The following NSUN3 variants were observed in gnomAD, a reference collection of about 807,000 sequenced individuals.
NSUN3 encodes the protein tRNA (cytosine(34)-C(5))-methyltransferase, mitochondrial.
Under a neutral mutation model 36.8 loss-of-function variants are expected in NSUN3, and 24 were observed. The ratio of observed to expected loss-of-function variants is 0.65; its 90% CI spans 0.47 to 0.92. The LOEUF is 0.92. NSUN3 is among the 40% of genes least tolerant of loss of function. NSUN3 has a pLI of 0.00. For missense variants in NSUN3, 381 were observed against 392.8 expected (o/e 0.97, Z 0.25); for synonymous variants, 146 against 145.2 (o/e 1.01, Z -0.04).
chr3:94,100,207 A>G (rs2077359280), intron 5 of NSUN3, among the ~76,000 whole-genome samples: 2 of 152,288 alleles, frequency 1.3e-5, no homozygotes, highest in South Asian at 4.1e-4. Context: ...TGATTGTACT[A>G]TTTTCCAAAG....
chr3:94,100,013 A>G (rs2077358625), intron 5 of NSUN3, among the ~76,000 whole-genome samples: 1 of 152,184 alleles, frequency 6.6e-6, no homozygotes. Context: ...GAGTAAAAAC[A>G]TTAATGTGTA....
chr3:94,095,604 A>G (rs550007332), intron 5 of NSUN3, among the ~76,000 whole-genome samples: 1 of 152,308 alleles, frequency 6.6e-6, no homozygotes, highest in African/African-American at 2.4e-5. Flanking sequence ...AATTTTCCAG[A>G]AGGACCTGGC....
chr3:94,081,039 G>A (rs2077266813), intron 2 of NSUN3, among the ~76,000 whole-genome samples: 2 of 152,202 alleles, frequency 1.3e-5, no homozygotes, highest in Admixed American at 6.5e-5. Context: ...CCCTGGTGGG[G>A]TAGGCACCGA....
intron 3 of NSUN3, among the ~76,000 whole-genome samples, chr3:94,092,217 C>T (rs1252306076): frequency 1.3e-5 from 2 of 152,190 alleles, no homozygotes; most frequent in Non-Finnish European, 2.9e-5. Flanking sequence ...TGTTCTTCCT[C>T]CTTCCTCCAC....
At chr3:94,102,671 C>G (rs188760722) in intron 5 of NSUN3, among the ~76,000 whole-genome samples, 2 of 152,130 alleles carry the variant, frequency 1.3e-5, no homozygotes, top group East Asian at 3.9e-4. Context: ...GTACACACTT[C>G]TTTTTAACAA....
chr3:94,088,637 C>T (rs2077302299), intron 3 of NSUN3, among the ~76,000 whole-genome samples: 1 of 150,770 alleles, frequency 6.6e-6, no homozygotes, highest in Non-Finnish European at 1.5e-5. Context: ...CTGTAGCATC[C>T]TCCGTTAGTG....
intron 2 of NSUN3, among the ~76,000 whole-genome samples, chr3:94,070,593 T>C (rs1240159208): frequency 6.6e-6 from 1 of 152,218 alleles, no homozygotes; most frequent in East Asian, 1.9e-4. Context: ...TCCTCAACTT[T>C]CATGTATTCT....
At chr3:94,110,741 C>T (rs1447759460) in intron 5 of NSUN3, among the ~76,000 whole-genome samples, 112 of 151,596 alleles carry the variant, frequency 7.4e-4, no homozygotes, top group African/African-American at 2.7e-3. Flanking sequence ...TGTATACACA[C>T]ACACACACAC....
rs2077507826 is a variant in NSUN3 at position 94,131,329 on chromosome 3, A to G, written c.*4839A>G. On this transcript the variant is annotated 3_prime_UTR_variant, in exon 6 of 6. Coordinates refer to ENST00000314622, the MANE Select transcript of NSUN3 (RefSeq NM_022072.5). ...TAGTTAAAGGGTAGAGCCGCGATCA[A>G]AACTGGCTCCGAGGTCCAGGCCCTT... Among the ~76,000 whole-genome samples the G allele has an allele frequency of 6.6e-6, 1 of 152,214 alleles. No individual in the cohort carries two copies. The highest frequency in any genetic ancestry group is 2.1e-4 in the South Asian group (1 of 4,830).
At chr3:94,108,202 C>CT (rs1217670564) in intron 5 of NSUN3, among the ~76,000 whole-genome samples, 1 of 151,732 alleles carries the variant, frequency 6.6e-6, no homozygotes, top group Non-Finnish European at 1.5e-5. Context: ...ACCACGTTTA[C>CT]TTTTTTTTAT....
intron 5 of NSUN3, among the ~76,000 whole-genome samples, chr3:94,115,039 A>G (rs2077433797): frequency 6.6e-6 from 1 of 152,158 alleles, no homozygotes. Flanking sequence ...TGTTCTCTGG[A>G]AGCAACTTAC....
chr3:94,129,836 C>T lies in NSUN3; in HGVS notation c.*3346C>T, dbSNP rs1161713702. ...TGGCATGATCTCAGCTCACTGCAAC[C>T]TCTGCCTCCCGGGTTCAAGCAGTTT... is the stretch of plus-strand genomic sequence containing the variant. On this transcript the variant is annotated 3_prime_UTR_variant, in exon 6 of 6. Transcript: ENST00000314622. Among the ~76,000 whole-genome samples, 1 of 148,972 alleles carries T rather than the reference C, an allele frequency of 6.7e-6. No homozygotes were observed. Among genetic ancestry groups the T allele is most frequent in the African/African-American group, 2.5e-5 (1 of 40,444 alleles).
At chr3:94,109,001 G>T (rs2077404219) in intron 5 of NSUN3, among the ~76,000 whole-genome samples, 1 of 152,158 alleles carries the variant, frequency 6.6e-6, no homozygotes, top group Non-Finnish European at 1.5e-5. Context: ...TAAAAATATA[G>T]TTTCCGGTTG....
intron 5 of NSUN3, among the ~76,000 whole-genome samples, chr3:94,105,382 T>C (rs1156924444): frequency 6.6e-6 from 1 of 152,196 alleles, no homozygotes; most frequent in Non-Finnish European, 1.5e-5. Context: ...TGCCACTCAC[T>C]ACAGGAATTT....
intron 5 of NSUN3, among the ~76,000 whole-genome samples, chr3:94,106,796 A>G (rs2077391268): frequency 6.6e-6 from 1 of 152,182 alleles, no homozygotes; most frequent in Non-Finnish European, 1.5e-5. Flanking sequence ...GCTGAAAAGG[A>G]ACAAAAACAG....
intron 3 of NSUN3, among the ~76,000 whole-genome samples, chr3:94,092,670 G>A (rs972948781): frequency 3.9e-5 from 6 of 152,002 alleles, no homozygotes; most frequent in Admixed American, 6.6e-5. Context: ...ATGGGAGACC[G>A]AGGTAGGTAG....
At chr3:94,090,179 A>G (rs942458312) in intron 3 of NSUN3, among the ~76,000 whole-genome samples, 1 of 152,090 alleles carries the variant, frequency 6.6e-6, no homozygotes, top group Non-Finnish European at 1.5e-5. Context: ...TTTGTTAAAT[A>G]TGCCCCTTTT....
chr3:94,130,060 T>C lies in NSUN3; in HGVS notation c.*3570T>C, dbSNP rs760365213. Reference sequence around the variant, plus strand: ...TGAGCCACCACACCCACTGTGTATGTTGTCTTTATTGATGCTTAAAACAAA... The same window carrying C: ...TGAGCCACCACACCCACTGTGTATGCTGTCTTTATTGATGCTTAAAACAAA... On this transcript the variant is annotated 3_prime_UTR_variant, in exon 6 of 6. Transcript: ENST00000314622. 3.3e-5 allele frequency among the ~76,000 whole-genome samples: 5 copies of C among 152,192 alleles called. No homozygotes were observed. The highest frequency in any genetic ancestry group is 7.3e-5 in the Non-Finnish European group (5 of 68,034).
At position 94,129,979 on chromosome 3, in the gene NSUN3, C is replaced by G. The variant is rs949269782; in HGVS notation, c.*3489C>G. On this transcript the variant is annotated 3_prime_UTR_variant, in exon 6 of 6. Coordinates refer to ENST00000314622, the MANE Select transcript of NSUN3 (RefSeq NM_022072.5). ...CCATCTTGGCCAGGTTGATCTTGAACTCCTGACCTTGTCATCCACCTGCCT... is the reference window on the plus strand; with the variant it reads ...CCATCTTGGCCAGGTTGATCTTGAAGTCCTGACCTTGTCATCCACCTGCCT... 6.6e-6 allele frequency among the ~76,000 whole-genome samples: 1 copy of G among 151,988 alleles called. No individual in the cohort carries two copies. Among genetic ancestry groups the G allele is most frequent in the African/African-American group, 2.4e-5 (1 of 41,364 alleles).
Sources: allele counts gnomAD v4.1 joint callset (sites outside exome capture counted in the v4.1 genomes callset), GRCh38; gene constraint gnomAD v4.1.1; transcripts MANE v1.5; gene names NCBI Gene and HGNC (gene_info 2026-07-23, HGNC 2026-07-21).